The following SLC22A23 variants were observed in gnomAD, a reference collection of about 807,000 sequenced individuals.
SLC22A23 encodes solute carrier family 22 member 23, also known as ion transporter protein.
A neutral mutation model predicts 61.0 loss-of-function variants in SLC22A23; 26 were observed. The ratio of observed to expected loss-of-function variants is 0.43; its 90% CI spans 0.31 to 0.59. SLC22A23 has a LOEUF of 0.59. Ranked by LOEUF, SLC22A23 falls within the 20% of genes least tolerant of loss-of-function variation. SLC22A23 has a pLI of 0.11. For missense variants in SLC22A23, 796 were observed against 934.7 expected, an observed-to-expected ratio of 0.85 and a Z score of 1.94; for synonymous variants, 430 against 413.9, an observed-to-expected ratio of 1.04 and a Z score of -0.47.
In SLC22A23 at chr6:3,298,182, G is replaced by A. The variant is rs1761280359; in HGVS notation, c.1119C>T (p.Thr373=). The A allele has an allele frequency of 6.3e-7, 1 of 1,591,534 alleles. No individual in the cohort carries two copies. Residue 373 remains threonine (T), a synonymous_variant, in exon 5 of 10, where the codon ACC becomes ACT. Transcript: ENST00000406686. ...FPESLRWLMA[T]QQFESAKRLI... is the part of the protein sequence containing the mutation. ...GCCTCTTTGCAGACTCAAACTGCTG[G>A]GTGGCCATTAGCCACCGGAGGGACT...
chr6:3,292,443 C>T (rs1421574358), intron 5 of SLC22A23, among the ~76,000 whole-genome samples: 2 of 149,672 alleles, frequency 1.3e-5, no homozygotes, highest in African/African-American at 5.1e-5. Flanking sequence ...TTGTGGGACA[C>T]TGGCATCTAG....
chr6:3,367,215 T>C (rs1765892065), intron 3 of SLC22A23, among the ~76,000 whole-genome samples: 1 of 152,238 alleles, frequency 6.6e-6, no homozygotes, highest in Non-Finnish European at 1.5e-5. Context: ...ATCAGTCTCA[T>C]GGCCCAGAGA....
Position 3,363,080 on chromosome 6 carries a change from C to T in SLC22A23, c.914-39078G>A, listed in dbSNP as rs116498639. Among the ~76,000 whole-genome samples the T allele has an allele frequency of 4.0e-3, 613 of 152,350 alleles. 2 individuals are homozygous for T. Among genetic ancestry groups the T allele is most frequent in the Non-Finnish European group, 5.7e-3 (389 of 68,036 alleles). On this transcript the variant is annotated intron_variant, in intron 3 of 9. Transcript: ENST00000406686. ...CCCACTGCCTGCAACTTCTGATGAG[C>T]ATCAGAAATGGGCTCTCCGCTCAGC... is the stretch of plus-strand genomic sequence containing the variant.
intron 1 of SLC22A23, among the ~76,000 whole-genome samples, chr6:3,448,825 G>A (rs564208188): frequency 3.3e-5 from 5 of 152,262 alleles, no homozygotes; most frequent in East Asian, 1.9e-4. Context: ...ACCAACTTTC[G>A]ACTCAATCCT....
chr6:3,315,408 G>A (rs1762580691), intron 4 of SLC22A23, among the ~76,000 whole-genome samples: 1 of 152,220 alleles, frequency 6.6e-6, no homozygotes, highest in African/African-American at 2.4e-5. Flanking sequence ...TGTTTTACTT[G>A]CTTTCATCGC....
At chr6:3,442,666 T>C (rs6921583) in intron 1 of SLC22A23, among the ~76,000 whole-genome samples, 81,835 of 151,956 alleles carry the variant, frequency 0.54, 22,340 homozygotes, top group Middle Eastern at 0.74. Flanking sequence ...CCGTCCATAA[T>C]ACAATATGAC....
At chr6:3,288,380 G>A (rs1173602421) in intron 6 of SLC22A23, among the ~76,000 whole-genome samples, 1 of 152,220 alleles carries the variant, frequency 6.6e-6, no homozygotes, top group East Asian at 1.9e-4. Context: ...CCCCATAGGG[G>A]GAAGCCACCC....
intron 4 of SLC22A23, among the ~76,000 whole-genome samples, chr6:3,313,898 G>A (rs1581674687): frequency 6.6e-6 from 1 of 152,150 alleles, no homozygotes; most frequent in African/African-American, 2.4e-5. Flanking sequence ...GCATGGTGGC[G>A]CATGCCTGTA....
At chr6:3,352,242 G>C (rs546023993) in intron 3 of SLC22A23, among the ~76,000 whole-genome samples, 1 of 150,052 alleles carries the variant, frequency 6.7e-6, no homozygotes, top group African/African-American at 2.5e-5. Flanking sequence ...CAGACACACA[G>C]ACACTCACAA....
At chr6:3,299,107 T>C (rs1403425933) in intron 4 of SLC22A23, among the ~76,000 whole-genome samples, 1 of 152,106 alleles carries the variant, frequency 6.6e-6, no homozygotes, top group Non-Finnish European at 1.5e-5. Context: ...CCCATAAATA[T>C]GTACGATTAC....
In SLC22A23 at chr6:3,354,449, A is replaced by G. The variant is rs375059922; in HGVS notation, c.914-30447T>C. Among the ~76,000 whole-genome samples the G allele has an allele frequency of 3.5e-4, 53 of 152,342 alleles. No homozygotes were observed. In the South Asian group the frequency reaches 7.9e-3, roughly 23 times the overall value. On this transcript the variant is annotated intron_variant, in intron 3 of 9. Coordinates refer to ENST00000406686, the MANE Select transcript of SLC22A23 (RefSeq NM_015482.2). ...TCTTTCCATGTCCCTGCTGCATTTA[A>G]TAAGTTCCTCGATTGTAGTGACCAC...
intron 3 of SLC22A23, among the ~76,000 whole-genome samples, chr6:3,347,932 C>T (rs527419531): frequency 2.8e-4 from 42 of 152,254 alleles, no homozygotes; most frequent in African/African-American, 7.7e-4. Context: ...CGGCTGTTGC[C>T]CCAGCCTGGA....
At chr6:3,446,816 C>T (rs559110656) in intron 1 of SLC22A23, among the ~76,000 whole-genome samples, 142 of 152,330 alleles carry the variant, frequency 9.3e-4, no homozygotes, top group African/African-American at 3.3e-3. Flanking sequence ...CCCAGGCCCT[C>T]GTCTCACTCC....
At chr6:3,425,122 T>C (rs539135893) in intron 1 of SLC22A23, among the ~76,000 whole-genome samples, 1 of 152,180 alleles carries the variant, frequency 6.6e-6, no homozygotes, top group African/African-American at 2.4e-5. Flanking sequence ...AATTAATACA[T>C]AATTATTATA....
At chr6:3,283,790 C>T in intron 9 of SLC22A23, 62 bp downstream of exon 9, 2 of 1,605,504 alleles carry the variant, frequency 1.2e-6, no homozygotes, top group African/African-American at 1.3e-5. Flanking sequence ...CAGCCTGGAG[C>T]CAGGGACTCG....
intron 3 of SLC22A23, among the ~76,000 whole-genome samples, chr6:3,376,051 T>C (rs980728443): frequency 6.6e-6 from 1 of 152,252 alleles, no homozygotes; most frequent in Non-Finnish European, 1.5e-5. Context: ...CATATACATT[T>C]CTTTGGAAAA....
rs569371647 is a variant in SLC22A23, at chr6:3,365,367, G to A, written c.914-41365C>T. Among the ~76,000 whole-genome samples, 5 of 152,240 alleles carry A rather than the reference G, an allele frequency of 3.3e-5. No individual in the cohort carries two copies. In the East Asian group the frequency reaches 7.7e-4, roughly 23 times the overall value. ...AAAATAAACCGCCCTAGCTCCAGAC[G>A]GACATGACCTCTGTTCTTTGTTTAA... is the stretch of plus-strand genomic sequence containing the variant. On this transcript the variant is annotated intron_variant, in intron 3 of 9. Coordinates refer to ENST00000406686, the MANE Select transcript of SLC22A23 (RefSeq NM_015482.2).
intron 3 of SLC22A23, among the ~76,000 whole-genome samples, chr6:3,375,160 T>C (rs1766478751): frequency 6.6e-6 from 1 of 151,926 alleles, no homozygotes; most frequent in African/African-American, 2.4e-5. Context: ...GACAACAAGC[T>C]ACAGGAAGAA....
At chr6:3,298,768 C>T (rs538638661) in intron 4 of SLC22A23, among the ~76,000 whole-genome samples, 1 of 151,550 alleles carries the variant, frequency 6.6e-6, no homozygotes, top group Non-Finnish European at 1.5e-5. Flanking sequence ...GTCAGGAGAT[C>T]GAGACCATCC....
Sources: gnomAD v4.1 joint callset for allele counts (sites outside exome capture counted in the v4.1 genomes callset) on GRCh38, gnomAD v4.1.1 for gene constraint, MANE v1.5 for transcripts, NCBI Gene and HGNC (gene_info 2026-07-23, HGNC 2026-07-21) for gene names.